POU2F3: variants seen among roughly 807,000 people sequenced by gnomAD.
POU2F3 encodes POU class 2 homeobox 3.
A neutral mutation model predicts 59.2 loss-of-function variants in POU2F3; 23 were observed. The ratio of observed to expected loss-of-function variants is 0.39; its 90% CI spans 0.28 to 0.55. The LOEUF is 0.55. Among genes scored for constraint, POU2F3 ranks in the 20% least tolerant of loss-of-function variants. The pLI is 0.66. For missense variants in POU2F3, 473 were observed against 544.5 expected, an observed-to-expected ratio of 0.87 and a Z score of 1.31; for synonymous variants, 190 against 214.6, an observed-to-expected ratio of 0.89 and a Z score of 1.00.
chr11:120,268,991 C>T (rs6589803), intron 2 of POU2F3, among the ~76,000 whole-genome samples: 37,867 of 152,102 alleles, frequency 0.25, 6,678 homozygotes, highest in African/African-American at 0.49. Context: ...TCAGCCTCCC[C>T]TCCAAGGTGA....
At chr11:120,244,852 T>G (rs527558653) in intron 1 of POU2F3, among the ~76,000 whole-genome samples, 1 of 151,920 alleles carries the variant, frequency 6.6e-6, no homozygotes, top group Non-Finnish European at 1.5e-5. Flanking sequence ...GTAGTTATTC[T>G]GCATATTCAT....
At chr11:120,237,267 A>T (rs114414188), upstream of POU2F3, among the ~76,000 whole-genome samples, 2 of 152,182 alleles carry the variant, frequency 1.3e-5, no homozygotes, top group Middle Eastern at 3.2e-3. Context: ...CTCAATCTAT[A>T]TTCATTGAGT....
rs11217777 is a variant in POU2F3 at position 120,258,824 on chromosome 11, C to T, written c.98-10386C>T. ...CCTGACCATGCTGCCACTTTTGCCC[C>T]TGGCTCTATGACTGCAGCATCAGTG... On this transcript the variant is annotated intron_variant, in intron 2 of 12. Coordinates refer to ENST00000543440, the MANE Select transcript of POU2F3 (RefSeq NM_014352.4). 4,465 of 152,262 alleles carry T rather than the reference C, an allele frequency of 0.029. 889 individuals carry two copies. The East Asian group carries it at 0.55, about 19-fold the overall frequency. The allele number at this position is 152,262 out of a possible 1,614,324, so 9.4% of individuals were successfully genotyped here. A position where few individuals can be genotyped will look rare whatever the true frequency, so the allele number is the denominator to read the frequency against.
At chr11:120,292,404 A>G (rs1465911972) in intron 3 of POU2F3, among the ~76,000 whole-genome samples, 6 of 152,210 alleles carry the variant, frequency 3.9e-5, no homozygotes, top group Non-Finnish European at 8.8e-5. Context: ...GATGAACTGC[A>G]TTTCTACACT....
chr11:120,259,668 G>A (rs557630554), intron 2 of POU2F3, among the ~76,000 whole-genome samples: 6 of 152,236 alleles, frequency 3.9e-5, no homozygotes, highest in African/African-American at 1.4e-4. Flanking sequence ...AGAAGGAGGT[G>A]GCAGGAATGG....
chr11:120,299,100 T>G (rs997120814), intron 4 of POU2F3, among the ~76,000 whole-genome samples: 1 of 152,160 alleles, frequency 6.6e-6, no homozygotes, highest in Non-Finnish European at 1.5e-5. Flanking sequence ...CCTGGACTTT[T>G]TGTTTAACTA....
chr11:120,257,449 A>G (rs1003648905), intron 2 of POU2F3, among the ~76,000 whole-genome samples: 1 of 151,184 alleles, frequency 6.6e-6, no homozygotes, highest in African/African-American at 2.4e-5. Flanking sequence ...CGGGGTCACC[A>G]TACCCTTCAA....
chr11:120,251,222 C>T (rs958070369), intron 2 of POU2F3, among the ~76,000 whole-genome samples: 6 of 152,218 alleles, frequency 3.9e-5, no homozygotes, highest in African/African-American at 1.4e-4. Context: ...AATTCTCCCA[C>T]CATGGCCTCC....
intron 8 of POU2F3, among the ~76,000 whole-genome samples, chr11:120,306,761 C>T (rs949297602): frequency 4.6e-5 from 7 of 152,142 alleles, no homozygotes; most frequent in Admixed American, 1.3e-4. Flanking sequence ...GTTACTCATA[C>T]GGAAGGGCCT....
intron 6 of POU2F3, chr11:120,302,645 G>A (rs2096884): frequency 0.22 from 90,010 of 410,750 alleles, 13,447 homozygotes; most frequent in African/African-American, 0.51. Flanking sequence ...ACCCTGCACA[G>A]GCCCCAGCAT....
intron 5 of POU2F3, 158 bp from the exon 6 acceptor site, chr11:120,302,128 G>A: frequency 3.2e-6 from 2 of 622,078 alleles, no homozygotes; most frequent in Non-Finnish European, 5.8e-6. Context: ...GCCTGGCAGT[G>A]CTAGGAGGGC....
intron 11 of POU2F3, 191 bp from the exon 12 acceptor site, chr11:120,317,038 C>T (rs746668457): frequency 3.9e-5 from 25 of 638,470 alleles, no homozygotes; most frequent in Admixed American, 2.2e-4. Flanking sequence ...GCATTTGTGA[C>T]GACAGCCCCT....
At position 120,305,043 on chromosome 11, in the gene POU2F3, C is replaced by G. The variant is rs1420560457; in HGVS notation, c.458C>G (p.Pro153Arg). The G allele has an allele frequency of 6.2e-7, 1 of 1,609,288 alleles. No homozygotes were observed. Among genetic ancestry groups the G allele is most frequent in the Admixed American group, 1.7e-5 (1 of 59,784 alleles). Residue 153 changes from proline to arginine, a missense_variant, in exon 7 of 13, where the codon CCT (proline) becomes CGT (arginine). Physicochemically the swap from Pro to Arg is moderately radical, Grantham distance 103 (BLOSUM62 -2). Coordinates refer to ENST00000543440, the MANE Select transcript of POU2F3 (RefSeq NM_014352.4). ...GTTTCCTATCAGGCATTTGGGCACC[C>G]TGGGCTGCCAGGATCCTCTTTAGAA... is the stretch of plus-strand genomic sequence containing the variant. ...PGLASQAFGH[P>R]GLPGSSLEPH...
intron 6 of POU2F3, 129 bp downstream of exon 6, chr11:120,302,497 A>T: frequency 1.2e-6 from 1 of 807,258 alleles, no homozygotes. Context: ...GCAGGGAACT[A>T]TCCATTGGCA....
At position 120,271,543 on chromosome 11, in the gene POU2F3, A is replaced by G. The variant is rs539905498; in HGVS notation, c.132+2299A>G. The stretch of plus-strand genomic sequence containing the variant: ...GCCCCAGCCCCTTGGGACAAGATGC[A>G]CGGGGAGGAGCCTCTTCCATACCGA... On this transcript the variant is annotated intron_variant, in intron 3 of 12. Coordinates refer to ENST00000543440, the MANE Select transcript of POU2F3 (RefSeq NM_014352.4). Among the ~76,000 whole-genome samples the G allele has an allele frequency of 5.9e-5, 9 of 152,338 alleles. No individual in the cohort carries two copies. The East Asian group carries it at 1.5e-3, about 26-fold the overall frequency.
In POU2F3 at chr11:120,305,720, T is replaced by C; in HGVS notation, c.704T>C (p.Leu235Pro). 1 of 1,613,974 alleles carries C rather than the reference T, an allele frequency of 6.2e-7. No individual in the cohort carries two copies. The highest frequency in any genetic ancestry group is 8.5e-7 in the Non-Finnish European group (1 of 1,180,038). The change falls in exon 8 of 13, where the codon CTC (leucine) becomes CCC (proline). Residue 235 changes from leucine to proline, a missense_variant. Physicochemically the swap from Leu to Pro is moderately conservative, Grantham distance 98. Transcript: ENST00000543440. The part of the protein sequence containing the change: ...SQTTISRFEA[L>P]NLSFKNMCKL... Reference sequence around the variant, plus strand: ...ACCACCATCTCACGATTTGAGGCCCTCAACCTGAGCTTCAAGAACATGTGC... The same window carrying C: ...ACCACCATCTCACGATTTGAGGCCCCCAACCTGAGCTTCAAGAACATGTGC...
intron 8 of POU2F3, 51 bp downstream of exon 8, chr11:120,305,836 A>G (rs1225880950): frequency 1.2e-6 from 2 of 1,601,176 alleles, no homozygotes; most frequent in East Asian, 2.2e-5. Context: ...TCTGCAGGGA[A>G]GGGCCAGTGA....
intron 2 of POU2F3, 27 bp downstream of exon 2, chr11:120,246,544 G>C (rs1938883297): frequency 1.2e-6 from 2 of 1,608,118 alleles, no homozygotes; most frequent in Non-Finnish European, 1.7e-6. Flanking sequence ...CTCGGGGATG[G>C]AGGGGGTGGG....
chr11:120,288,128 C>CAAAAAAAAAAAAAAAAAAAACAA (rs1940867425), intron 3 of POU2F3, among the ~76,000 whole-genome samples: 3 of 63,328 alleles, frequency 4.7e-5, no homozygotes, highest in African/African-American at 6.9e-5. Flanking sequence ...ACAAAAAAAC[C>CAAAAAAAAAAAAAAAAAAAACAA]AAAAAAAAAA....
Sources: gnomAD v4.1 joint callset for allele counts (sites outside exome capture counted in the v4.1 genomes callset) on GRCh38, gnomAD v4.1.1 for gene constraint, MANE v1.5 for transcripts, NCBI Gene and HGNC (gene_info 2026-07-23, HGNC 2026-07-21) for gene names.